CASZ1: variants seen among roughly 807,000 people sequenced by gnomAD.
The protein encoded by CASZ1 is zinc finger protein castor homolog 1.
CASZ1 carries 28 observed loss-of-function variants against 135.2 expected under a neutral mutation model. That is an observed-to-expected ratio of 0.21 (90% CI 0.15 to 0.28). The LOEUF (loss-of-function observed/expected upper bound fraction) is 0.28, where lower values mean the gene tolerates loss of function less well. Among genes scored for constraint, CASZ1 ranks in the 10% least tolerant of loss-of-function variants. CASZ1 has a pLI of 1.00. For synonymous variants in CASZ1, 1,068 were observed against 1,073.4 expected (o/e 0.99, Z 0.10); for missense variants, 2,161 against 2,453.3 (o/e 0.88, Z 2.52).
chr1:10,714,164 G>A (rs568777939), intron 2 of CASZ1, among the ~76,000 whole-genome samples: 125 of 152,004 alleles, frequency 8.2e-4, no homozygotes, highest in Non-Finnish European at 1.2e-3. Flanking sequence ...AAAATTAGCC[G>A]GTGTGGTGGC....
rs376308089 is a variant in CASZ1, at chr1:10,660,412, G to A, written c.630C>T (p.His210=). 380 of 1,614,054 alleles carry A rather than the reference G, an allele frequency of 2.4e-4. No individual in the cohort carries two copies. Among genetic ancestry groups the A allele is most frequent in the Non-Finnish European group, 3.1e-4 (369 of 1,180,022 alleles). The change falls in exon 6 of 21, where the codon CAC becomes CAT. Residue 210 remains histidine (H), a synonymous_variant. Coordinates refer to ENST00000377022, the MANE Select transcript of CASZ1 (RefSeq NM_001079843.3). ...LARKISFEKL[H]AGSTPEAATS... ...TGGCTGCCTCCGGGGTGGAGCCCGC[G>A]TGCAGCTTCTCAAAGCTGATCTTCC... is the stretch of plus-strand genomic sequence containing the variant.
intron 3 of CASZ1, among the ~76,000 whole-genome samples, chr1:10,702,473 G>T (rs1440459965): frequency 2.0e-5 from 3 of 152,224 alleles, no homozygotes; most frequent in African/African-American, 7.2e-5. Flanking sequence ...GCATCTGGGT[G>T]GAACAGGGAA....
intron 1 of CASZ1, among the ~76,000 whole-genome samples, chr1:10,787,703 C>G (rs1261977923): frequency 6.6e-6 from 1 of 152,076 alleles, no homozygotes; most frequent in African/African-American, 2.4e-5. Flanking sequence ...AGACCATCAG[C>G]AAAGAGGCAG....
rs1643206698 is a variant in CASZ1 at position 10,665,527 on chromosome 1, T to C, written c.61A>G (p.Met21Val). The C allele has an allele frequency of 6.3e-7, 1 of 1,595,220 alleles. No homozygotes were observed. Among genetic ancestry groups the C allele is most frequent in the Non-Finnish European group, 8.5e-7 (1 of 1,176,284 alleles). ...AGGCCACCCTTGCGTTTGGGCGCCATGGCGGGCTTGCCTGCAGGCGGGTCC... is the reference window on the plus strand; with the variant it reads ...AGGCCACCCTTGCGTTTGGGCGCCACGGCGGGCTTGCCTGCAGGCGGGTCC... ...CTDPPAGKPA[M>V]APKRKGGLKL... The change falls in exon 5 of 21, where the codon ATG (methionine) becomes GTG (valine). Residue 21 changes from methionine (M) to valine (V), a missense_variant. This residue lies in a region of CASZ1 where 590 missense variants were observed against 609.8 expected (regional missense o/e 0.97). Coordinates refer to ENST00000377022, the MANE Select transcript of CASZ1 (RefSeq NM_001079843.3).
chr1:10,659,327 TGTCATGG>T (rs564669411), intron 6 of CASZ1, among the ~76,000 whole-genome samples: 39,367 of 152,044 alleles, frequency 0.26, 6,077 homozygotes, highest in African/African-American at 0.42. Context: ...TGGGGTGTGC[TGTCATGG>T]GCAGTCCCGG....
intron 1 of CASZ1, among the ~76,000 whole-genome samples, chr1:10,778,012 C>T (rs1269313746): frequency 6.6e-6 from 1 of 152,056 alleles, no homozygotes; most frequent in African/African-American, 2.4e-5. Flanking sequence ...TATACACTCA[C>T]TCATACAATC....
chr1:10,690,595 G>A (rs1374567590), intron 4 of CASZ1, among the ~76,000 whole-genome samples: 3 of 152,148 alleles, frequency 2.0e-5, no homozygotes, highest in South Asian at 2.1e-4. Context: ...GAAAGAAACC[G>A]GCCGGGCTTC....
intron 4 of CASZ1, among the ~76,000 whole-genome samples, chr1:10,692,735 C>T (rs986472174): frequency 9.2e-5 from 14 of 152,194 alleles, no homozygotes; most frequent in African/African-American, 2.9e-4. Context: ...GGGCTGCCTC[C>T]GGTCTCTCTG....
intron 8 of CASZ1, 112 bp from the exon 9 acceptor site, chr1:10,655,925 AC>A: frequency 9.0e-7 from 1 of 1,106,360 alleles, no homozygotes; most frequent in African/African-American, 1.6e-5. Flanking sequence ...CCTAGAAAGA[AC>A]CCTGCTTGGG....
Position 10,666,632 on chromosome 1 carries a change from G to A in CASZ1, c.17-1061C>T, listed in dbSNP as rs284321. Among the ~76,000 whole-genome samples, 12,076 of 152,202 alleles carry A rather than the reference G, an allele frequency of 0.079. 672 individuals are homozygous for A. Among genetic ancestry groups the A allele is most frequent in the East Asian group, 0.18 (907 of 5,144 alleles). On this transcript the variant is annotated intron_variant, in intron 4 of 20. Coordinates refer to ENST00000377022, the MANE Select transcript of CASZ1 (RefSeq NM_001079843.3). The surrounding 1 kb of genome is among the most constrained non-coding windows in gnomAD (Gnocchi z 5.2). ...GCCCGACACACACAGCCGGAAGGAAGCCCTCATGAGGCGACTTGAGAGCCA... is the reference window on the plus strand; with the variant it reads ...GCCCGACACACACAGCCGGAAGGAAACCCTCATGAGGCGACTTGAGAGCCA...
At position 10,777,403 on chromosome 1, in the gene CASZ1, C is replaced by T. The variant is rs568956663; in HGVS notation, c.-233-16546G>A. ...TCCTTTCTCTTATTGGTCAAACCAC[C>T]GCATCATTCCCACAAAATCCTCTGA... On this transcript the variant is annotated intron_variant, in intron 1 of 20. Coordinates refer to ENST00000377022, the MANE Select transcript of CASZ1 (RefSeq NM_001079843.3). The surrounding 1 kb of genome is among the most constrained non-coding windows in gnomAD (Gnocchi z 4.4). Among the ~76,000 whole-genome samples, 2 of 152,218 alleles carry T rather than the reference C, an allele frequency of 1.3e-5. No homozygotes were observed. Among genetic ancestry groups the T allele is most frequent in the South Asian group, 4.1e-4 (2 of 4,820 alleles).
intron 1 of CASZ1, among the ~76,000 whole-genome samples, chr1:10,780,021 G>A (rs968424980): frequency 2.6e-5 from 4 of 152,184 alleles, no homozygotes; most frequent in African/African-American, 9.7e-5. Flanking sequence ...TGGGCCAGGA[G>A]TGCCCTGGCC....
intron 9 of CASZ1, among the ~76,000 whole-genome samples, 171 bp from the exon 10 acceptor site, chr1:10,654,762 G>A (rs1306243907): frequency 6.6e-6 from 1 of 152,206 alleles, no homozygotes; most frequent in Non-Finnish European, 1.5e-5. Context: ...AGAGTAGAAA[G>A]CCTCCAACAG....
In CASZ1 at chr1:10,639,015, C is replaced by T. The variant is rs750374432; in HGVS notation, c.5207G>A (p.Arg1736Gln). The T allele has an allele frequency of 1.8e-4, 178 of 998,624 alleles. 1 individual carries two copies. In the African/African-American group the frequency reaches 2.9e-3, roughly 16 times the overall value. The allele number at this position is 998,624 out of a possible 1,614,324, so 61.9% of individuals were successfully genotyped here. A position where few individuals can be genotyped will look rare whatever the true frequency, so the allele number is the denominator to read the frequency against. ...CGCCAGCGCCGCCAAGGCCGGGGTC[C>T]GCGCGCCCGCGCCCGCCGCCTCCGC... ...AAAEAAGAGA[R>Q]TPALAALAAL... Residue 1736 changes from arginine to glutamine, a missense_variant, in exon 21 of 21, where the codon CGG (arginine) becomes CAG (glutamine). By Grantham distance (43) the Arg-to-Gln change is conservative. Around this residue, in one of 7 missense-constraint regions of CASZ1, gnomAD observed 185 missense variants for 134.7 expected, o/e 1.37. Coordinates refer to ENST00000377022, the MANE Select transcript of CASZ1 (RefSeq NM_001079843.3). The surrounding 1 kb of genome is among the most constrained non-coding windows in gnomAD (Gnocchi z 4.0).
rs539688415 is a variant in CASZ1, at chr1:10,759,097, C to T, written c.-77+1604G>A. Reference sequence around the variant, plus strand: ...CAGGCAAAGAAGAAAACAAAAAACCCGTCACTGAGAACAGAGCAGGCAAAC... The same window carrying T: ...CAGGCAAAGAAGAAAACAAAAAACCTGTCACTGAGAACAGAGCAGGCAAAC... On this transcript the variant is annotated intron_variant, in intron 2 of 20. Transcript: ENST00000377022. This position sits in a 1 kb window ranked among gnomAD's most constrained non-coding sequence, Gnocchi z 4.2. Among the ~76,000 whole-genome samples the T allele has an allele frequency of 3.9e-5, 6 of 152,298 alleles. No homozygotes were observed. The highest frequency in any genetic ancestry group is 1.3e-4 in the Admixed American group (2 of 15,296).
In CASZ1 at chr1:10,647,856, A is replaced by G. The variant is rs1642413268; in HGVS notation, c.3442T>C (p.Ser1148Pro). Residue 1148 changes from serine to proline, a missense_variant, in exon 16 of 21, where the codon TCT becomes CCT. Ser to Pro is a moderately conservative substitution (Grantham distance 74). Around this residue, in one of 7 missense-constraint regions of CASZ1, gnomAD observed 349 missense variants for 460.8 expected, o/e 0.76. Coordinates refer to ENST00000377022, the MANE Select transcript of CASZ1 (RefSeq NM_001079843.3). This position sits in a 1 kb window ranked among gnomAD's most constrained non-coding sequence, Gnocchi z 4.9. ...ACCTGGGGCTTGGCGTTCTCTAGAGAAGTCGTTGCCAAGGGCGAGGCGGGC... is the reference window on the plus strand; with the variant it reads ...ACCTGGGGCTTGGCGTTCTCTAGAGGAGTCGTTGCCAAGGGCGAGGCGGGC... ...HLPASPLATTSLENAKPQVKP... is the reference protein window; with the variant it reads ...HLPASPLATTPLENAKPQVKP... The G allele has an allele frequency of 1.2e-6, 2 of 1,613,774 alleles. No homozygotes were observed. Among genetic ancestry groups the G allele is most frequent in the Admixed American group, 1.7e-5 (1 of 60,004 alleles).
intron 1 of CASZ1, among the ~76,000 whole-genome samples, chr1:10,779,084 T>C (rs1640713014): frequency 6.6e-6 from 1 of 152,116 alleles, no homozygotes; most frequent in Non-Finnish European, 1.5e-5. Context: ...TTCCCACTGG[T>C]GAAACAAAAG....
chr1:10,745,229 A>G (rs772317076), intron 2 of CASZ1, among the ~76,000 whole-genome samples: 1 of 151,988 alleles, frequency 6.6e-6, no homozygotes, highest in Non-Finnish European at 1.5e-5. Flanking sequence ...TCTGACTCAC[A>G]TGAAGTCTCG....
chr1:10,641,461 C>T (rs761754555), intron 20 of CASZ1, among the ~76,000 whole-genome samples: 13 of 150,806 alleles, frequency 8.6e-5, no homozygotes, highest in African/African-American at 1.9e-4. Flanking sequence ...GATGCCATCC[C>T]GGTGGGTATC....
Sources: gnomAD v4.1 joint callset for allele counts (sites outside exome capture counted in the v4.1 genomes callset) on GRCh38, gnomAD v4.1.1 for gene constraint, gnomAD v4.1.1 regional missense constraint, Gnocchi (gnomAD v3.1) non-coding constraint, MANE v1.5 for transcripts, NCBI Gene and HGNC (gene_info 2026-07-23, HGNC 2026-07-21) for gene names.